BRCC3: variants seen among roughly 807,000 people sequenced by gnomAD.
BRCC3 encodes BRCA1/BRCA2-containing complex subunit 3.
BRCC3 carries 15 observed loss-of-function variants against 28.0 expected under a neutral mutation model. The observed-to-expected ratio is 0.54, with a 90% confidence interval of 0.36 to 0.82. The LOEUF is 0.82. Ranked by LOEUF, BRCC3 falls within the 40% of genes least tolerant of loss-of-function variation. BRCC3 has a pLI of 0.01. For synonymous variants in BRCC3, 66 were observed against 80.3 expected (o/e 0.82, Z 0.95); for missense variants, 109 against 225.9 (o/e 0.48, Z 3.32).
intron 7 of BRCC3, among the ~76,000 whole-genome samples, chrX:155,108,014 T>A (rs1205462295): frequency 9.0e-6 from 1 of 111,602 alleles, no homozygotes; most frequent in Non-Finnish European, 1.9e-5. Context: ...CCAGATCAGC[T>A]CCATGAATTT....
At chrX:155,114,741 AAAAAAG>A (rs1432941106) in intron 7 of BRCC3, among the ~76,000 whole-genome samples, 2 of 110,950 alleles carry the variant, frequency 1.8e-5, no homozygotes, top group Non-Finnish European at 3.8e-5. Context: ...GAGTTAAAAA[AAAAAAG>A]AGAATGAAAT....
chrX:155,084,555 G>A (rs1814187), intron 5 of BRCC3, among the ~76,000 whole-genome samples: 1,165 of 111,559 alleles, frequency 0.01, 15 homozygotes, highest in African/African-American at 0.034. Flanking sequence ...AGTAGAGATG[G>A]GGTTTCACTG....
At chrX:155,110,245 A>C (rs1203644480) in intron 7 of BRCC3, among the ~76,000 whole-genome samples, 2 of 111,372 alleles carry the variant, frequency 1.8e-5, no homozygotes, top group Non-Finnish European at 3.8e-5. Context: ...AAATGTTCCC[A>C]TATCTCGATT....
At chrX:155,089,051 T>G (rs1194641584) in intron 5 of BRCC3, among the ~76,000 whole-genome samples, 2 of 112,250 alleles carry the variant, frequency 1.8e-5, no homozygotes, top group East Asian at 5.5e-4. Context: ...TATTATTTAA[T>G]GGCAGACTTT....
intron 5 of BRCC3, among the ~76,000 whole-genome samples, chrX:155,088,502 C>T (rs947985752): frequency 7.3e-5 from 8 of 109,638 alleles, no homozygotes; most frequent in African/African-American, 1.0e-4. Flanking sequence ...TACAGGCATC[C>T]GCCACCACAC....
intron 10 of BRCC3, 123 bp downstream of exon 10, chrX:155,120,291 A>T: frequency 5.7e-6 from 3 of 530,649 alleles, no homozygotes; most frequent in Non-Finnish European, 9.3e-6. Context: ...TCTTCCTGAC[A>T]GTTTAATTAG....
chrX:155,102,539 G>A (rs2074252502), intron 7 of BRCC3, among the ~76,000 whole-genome samples: 1 of 111,705 alleles, frequency 9.0e-6, no homozygotes, highest in African/African-American at 3.3e-5. Context: ...AGTTTCACTT[G>A]TTTCTTTCCA....
chrX:155,112,597 A>G (rs2074328623), intron 7 of BRCC3, among the ~76,000 whole-genome samples: 1 of 112,769 alleles, frequency 8.9e-6, no homozygotes, highest in Non-Finnish European at 1.9e-5. Context: ...TTACAACTCA[A>G]AAATAAAAGG....
intron 7 of BRCC3, among the ~76,000 whole-genome samples, chrX:155,106,373 T>C (rs894362736): frequency 8.9e-6 from 1 of 112,416 alleles, no homozygotes; most frequent in Non-Finnish European, 1.9e-5. Flanking sequence ...TTGAGTTAAT[T>C]ATACCTTTAT....
intron 7 of BRCC3, among the ~76,000 whole-genome samples, chrX:155,099,085 T>C (rs2074229283): frequency 9.0e-6 from 1 of 111,496 alleles, no homozygotes; most frequent in South Asian, 3.7e-4. Flanking sequence ...ATTTATGCCT[T>C]GAATTCTTTC....
At chrX:155,077,341 G>A (rs145030173) in intron 4 of BRCC3, 52 bp downstream of exon 4, 46 of 1,083,216 alleles carry the variant, frequency 4.2e-5, no homozygotes, top group East Asian at 2.9e-4. Flanking sequence ...TTCCTGGGCC[G>A]CATTGCTGCT....
At chrX:155,095,612 A>T (rs1387491579) in intron 7 of BRCC3, among the ~76,000 whole-genome samples, 4 of 111,710 alleles carry the variant, frequency 3.6e-5, no homozygotes, top group African/African-American at 1.3e-4. Flanking sequence ...AGAAAGAAAC[A>T]ATTTTTAATA....
intron 7 of BRCC3, among the ~76,000 whole-genome samples, chrX:155,109,037 G>A (rs782234410): frequency 5.4e-5 from 6 of 111,445 alleles, no homozygotes; most frequent in Non-Finnish European, 1.1e-4. Flanking sequence ...GATGTGAGTT[G>A]ACATTCCCTT....
chrX:155,096,382 T>A (rs1157145110), intron 7 of BRCC3, among the ~76,000 whole-genome samples: 1 of 112,478 alleles, frequency 8.9e-6, no homozygotes, highest in African/African-American at 3.2e-5. Context: ...GCCGCTGAAT[T>A]GTTCACTTTA....
At chrX:155,096,028 C>T (rs903910782) in intron 7 of BRCC3, among the ~76,000 whole-genome samples, 21 of 111,838 alleles carry the variant, frequency 1.9e-4, no homozygotes, top group African/African-American at 5.9e-4. Flanking sequence ...TTTCTCAGGA[C>T]GCATCTCCAT....
intron 7 of BRCC3, among the ~76,000 whole-genome samples, chrX:155,097,944 C>T (rs1277553953): frequency 2.7e-5 from 3 of 110,666 alleles, no homozygotes; most frequent in Non-Finnish European, 3.8e-5. Context: ...TGCAGTGAGC[C>T]GAGATGGCGC....
chrX:155,073,505 C>A (rs1054541507), intron 3 of BRCC3, 74 bp downstream of exon 3: 3 of 1,070,122 alleles, frequency 2.8e-6, no homozygotes, highest in Non-Finnish European at 3.8e-6. Context: ...TGATCTCAGC[C>A]AGAGTATGCG....
intron 6 of BRCC3, 58 bp downstream of exon 6, chrX:155,089,409 TAC>T: frequency 1.4e-6 from 1 of 735,198 alleles, no homozygotes; most frequent in Non-Finnish European, 2.0e-6. Flanking sequence ...TGTGTGTGTC[TAC>T]ACACAGAGTA....
intron 6 of BRCC3, among the ~76,000 whole-genome samples, chrX:155,089,657 A>G (rs1396634372): frequency 8.9e-6 from 1 of 111,751 alleles, no homozygotes; most frequent in Non-Finnish European, 1.9e-5. Flanking sequence ...ATGACCATAC[A>G]TGCCAGTTTG....
Sources: gnomAD v4.1 joint callset for allele counts (sites outside exome capture counted in the v4.1 genomes callset) on GRCh38, gnomAD v4.1.1 for gene constraint, MANE v1.5 for transcripts, NCBI Gene and HGNC (gene_info 2026-07-23, HGNC 2026-07-21) for gene names.